Variants in FNDC4 observed in about 807,000 individuals in gnomAD.
FNDC4 encodes the protein fibronectin type III domain-containing protein 4.
FNDC4 carries 11 observed loss-of-function variants against 25.1 expected under a neutral mutation model. That is an observed-to-expected ratio of 0.44 (90% CI 0.28 to 0.73). FNDC4 has a LOEUF of 0.73. FNDC4 is among the 30% of genes least tolerant of loss of function. FNDC4 has a pLI of 0.16. For synonymous variants in FNDC4, 136 were observed against 118.8 expected (o/e 1.14, Z -0.94); for missense variants, 250 against 304.3 (o/e 0.82, Z 1.33).
At position 27,492,813 on chromosome 2, in the gene FNDC4, C is replaced by T. The variant is rs1411071560; in HGVS notation, c.545-23G>A. On this transcript the variant is annotated intron_variant, in intron 5 of 6. Coordinates refer to ENST00000264703, the MANE Select transcript of FNDC4 (RefSeq NM_022823.3). The surrounding 1 kb of genome is among the most constrained non-coding windows in gnomAD (Gnocchi z 4.1). ...CAGCTGAAACACAATACAGTCTGAGCCTTCATCTCCACTTCCCCCCTCATA... is the reference window on the plus strand; with the variant it reads ...CAGCTGAAACACAATACAGTCTGAGTCTTCATCTCCACTTCCCCCCTCATA... The T allele has an allele frequency of 1.2e-6, 2 of 1,613,632 alleles. No homozygotes were observed. The highest frequency in any genetic ancestry group is 2.2e-5 in the East Asian group (1 of 44,840).
rs1669326863 is a variant in FNDC4, at chr2:27,494,263, C to G, written c.249+88G>C. 1 of 1,400,710 alleles carries G rather than the reference C, an allele frequency of 7.1e-7. No individual in the cohort carries two copies. Among genetic ancestry groups the G allele is most frequent in the Non-Finnish European group, 1.0e-6 (1 of 999,110 alleles). The allele number at this position is 1,400,710 out of a possible 1,614,324, so 86.8% of individuals were successfully genotyped here. A position where few individuals can be genotyped will look rare whatever the true frequency, so the allele number is the denominator to read the frequency against. ...GAAAAGGGCAGCCTGAGCCAGGATA[C>G]GCCAGCTTCCAGATCCCCCCCACTT... On this transcript the variant is annotated intron_variant, in intron 3 of 6. Coordinates refer to ENST00000264703, the MANE Select transcript of FNDC4 (RefSeq NM_022823.3). This position sits in a 1 kb window ranked among gnomAD's most constrained non-coding sequence, Gnocchi z 4.6.
chr2:27,492,586 CCT>C lies in FNDC4; in HGVS notation c.669+78_669+79del. On this transcript the variant is annotated intron_variant, in intron 6 of 6. Transcript: ENST00000264703. This position sits in a 1 kb window ranked among gnomAD's most constrained non-coding sequence, Gnocchi z 4.1. The stretch of plus-strand genomic sequence containing the variant: ...CTTCCATTCTCCATCTTTTTCTGCC[CCT>C]CTTTGACCTTCTTCCTTTCCCTGGC... 6.2e-7 allele frequency: 1 copy of C among 1,604,708 alleles called. No homozygotes were observed. Among genetic ancestry groups the C allele is most frequent in the South Asian group, 1.1e-5 (1 of 90,864 alleles).
Position 27,492,499 on chromosome 2 carries a change from A to G in FNDC4, c.670-21T>C. 6.2e-7 allele frequency: 1 copy of G among 1,611,160 alleles called. No individual in the cohort carries two copies. Among genetic ancestry groups the G allele is most frequent in the Middle Eastern group, 1.7e-4 (1 of 6,056 alleles). ...TTTTTCTGTGAAAGAAAATGGCCTG[A>G]GTCTCAACTTCAGGAAGGTAATAGG... is the stretch of plus-strand genomic sequence containing the variant. On this transcript the variant is annotated intron_variant, in intron 6 of 6. Transcript: ENST00000264703. The surrounding 1 kb of genome is among the most constrained non-coding windows in gnomAD (Gnocchi z 4.1).
chr2:27,493,557 G>T, intron 4 of FNDC4, 79 bp from the exon 5 acceptor site: 2 of 1,135,150 alleles, frequency 1.8e-6, no homozygotes, highest in Non-Finnish European at 2.7e-6. Context: ...AGATGCTGGG[G>T]ATTAGAAAGG....
intron 4 of FNDC4, 27 bp downstream of exon 4, chr2:27,493,903 A>C: frequency 1.9e-6 from 3 of 1,606,310 alleles, no homozygotes; most frequent in Non-Finnish European, 2.6e-6. Context: ...GTAAGCAGCC[A>C]GAGAATCCAA....
Position 27,494,164 on chromosome 2 carries a change from G to A in FNDC4, c.250-30C>T. The A allele has an allele frequency of 6.3e-7, 1 of 1,592,398 alleles. No homozygotes were observed. Among genetic ancestry groups the A allele is most frequent in the Non-Finnish European group, 8.6e-7 (1 of 1,162,454 alleles). The stretch of plus-strand genomic sequence containing the variant: ...AGGGAGATGAGGGGAGAGGAGGACA[G>A]CCTCACCCCAGTGCCAGGCCACAAG... On this transcript the variant is annotated intron_variant, in intron 3 of 6. Coordinates refer to ENST00000264703, the MANE Select transcript of FNDC4 (RefSeq NM_022823.3). The surrounding 1 kb of genome is among the most constrained non-coding windows in gnomAD (Gnocchi z 4.6).
intron 4 of FNDC4, among the ~76,000 whole-genome samples, 198 bp from the exon 5 acceptor site, chr2:27,493,676 A>G (rs1264366449): frequency 6.6e-6 from 1 of 152,190 alleles, no homozygotes; most frequent in African/African-American, 2.4e-5. Flanking sequence ...CTGCAGGTTA[A>G]TTACTCACTC....
Position 27,492,300 on chromosome 2 carries a change from A to C in FNDC4, c.*143T>G, listed in dbSNP as rs1185537552. The C allele has an allele frequency of 9.8e-7, 1 of 1,017,344 alleles. No individual in the cohort carries two copies. Among genetic ancestry groups the C allele is most frequent in the East Asian group, 2.4e-5 (1 of 41,982 alleles). 63.0% of individuals were successfully genotyped at this position (1,017,344 alleles called of 1,614,324 possible). A position where few individuals can be genotyped will look rare whatever the true frequency, so the allele number is the denominator to read the frequency against. ...TACCTTCTGGCTCTGCTCACAGTGG[A>C]AAGAGGATGGGTACCAGGCCTGAGA... is the stretch of plus-strand genomic sequence containing the variant. On this transcript the variant is annotated 3_prime_UTR_variant, in exon 7 of 7. Transcript: ENST00000264703. The surrounding 1 kb of genome is among the most constrained non-coding windows in gnomAD (Gnocchi z 4.1).
In FNDC4 at chr2:27,492,363, G is replaced by C. The variant is rs943459557; in HGVS notation, c.*80C>G. 1 of 1,560,766 alleles carries C rather than the reference G, an allele frequency of 6.4e-7. No individual in the cohort carries two copies. Among genetic ancestry groups the C allele is most frequent in the African/African-American group, 1.4e-5 (1 of 73,696 alleles). ...CATTACCCTCTGGGAGTCTCGGGCA[G>C]ATCACCATCTTGGGCTCCCCCTGAC... On this transcript the variant is annotated 3_prime_UTR_variant, in exon 7 of 7. Transcript: ENST00000264703. This position sits in a 1 kb window ranked among gnomAD's most constrained non-coding sequence, Gnocchi z 4.1.
In FNDC4 at chr2:27,492,701, G is replaced by C; in HGVS notation, c.634C>G (p.Gln212Glu). Residue 212 changes from glutamine (Q) to glutamate (E), a missense_variant, in exon 6 of 7, where the codon CAG (glutamine) becomes GAG (glutamate). Gln to Glu is a conservative substitution (Grantham distance 29). Coordinates refer to ENST00000264703, the MANE Select transcript of FNDC4 (RefSeq NM_022823.3). The surrounding 1 kb of genome is among the most constrained non-coding windows in gnomAD (Gnocchi z 4.1). The stretch of plus-strand genomic sequence containing the variant: ...CCCACTGGCCTTCCCTGAGGACTCT[G>C]TTCCGGCCCCTTTCCCTTCTCCTTG... ...NPKEKGKGPE[Q>E]SPQGRPVGTR... 1 of 1,614,080 alleles carries C rather than the reference G, an allele frequency of 6.2e-7. No homozygotes were observed. Among genetic ancestry groups the C allele is most frequent in the Non-Finnish European group, 8.5e-7 (1 of 1,180,022 alleles).
In FNDC4 at chr2:27,494,188, A is replaced by G; in HGVS notation, c.250-54T>C. The G allele has an allele frequency of 6.4e-7, 1 of 1,550,962 alleles. No homozygotes were observed. The highest frequency in any genetic ancestry group is 8.8e-7 in the Non-Finnish European group (1 of 1,130,966). On this transcript the variant is annotated intron_variant, in intron 3 of 6. Transcript: ENST00000264703. The surrounding 1 kb of genome is among the most constrained non-coding windows in gnomAD (Gnocchi z 4.6). Reference sequence around the variant, plus strand: ...AGCCTCACCCCAGTGCCAGGCCACAAGGCTCAACCAGAGACTCTTCAACAT... The same window carrying G: ...AGCCTCACCCCAGTGCCAGGCCACAGGGCTCAACCAGAGACTCTTCAACAT...
rs758429725 is a variant in FNDC4 at position 27,493,368 on chromosome 2, CCT to C, written c.544+19_544+20del. 98 of 1,600,076 alleles carry C rather than the reference CCT, an allele frequency of 6.1e-5. No individual in the cohort carries two copies. Among genetic ancestry groups the C allele is most frequent in the Non-Finnish European group, 7.5e-5 (87 of 1,167,586 alleles). On this transcript the variant is annotated intron_variant, in intron 5 of 6. Coordinates refer to ENST00000264703, the MANE Select transcript of FNDC4 (RefSeq NM_022823.3). ...CACACCTTTACTGAGTCCCTGGTCCCCTGTCTAGCTGCTTACTCACCAGCCCA... is the reference window on the plus strand; with the variant it reads ...CACACCTTTACTGAGTCCCTGGTCCCGTCTAGCTGCTTACTCACCAGCCCA...
At position 27,492,800 on chromosome 2, in the gene FNDC4, A is replaced by C; in HGVS notation, c.545-10T>G. 1 of 1,614,010 alleles carries C rather than the reference A, an allele frequency of 6.2e-7. No individual in the cohort carries two copies. Among genetic ancestry groups the C allele is most frequent in the Non-Finnish European group, 8.5e-7 (1 of 1,180,030 alleles). ...AACAGCCCAATTACAGCTGAAACAC[A>C]ATACAGTCTGAGCCTTCATCTCCAC... On this transcript the variant is annotated splice_polypyrimidine_tract_variant and intron_variant, in intron 5 of 6. Transcript: ENST00000264703. The surrounding 1 kb of genome is among the most constrained non-coding windows in gnomAD (Gnocchi z 4.1).
rs1669269774 is a variant in FNDC4, at chr2:27,491,956, GGT to G, written c.*485_*486del. The G allele has an allele frequency of 6.1e-6, 1 of 162,920 alleles. No homozygotes were observed. Among genetic ancestry groups the G allele is most frequent in the African/African-American group, 2.4e-5 (1 of 41,744 alleles). 10.1% of individuals were successfully genotyped at this position (162,920 alleles called of 1,614,324 possible). ...TCACTAGCAGCTGAAGGGGCTGCCA[GGT>G]GAGAGGGGGAGCACCTGAGGCTCCA... On this transcript the variant is annotated 3_prime_UTR_variant, in exon 7 of 7. Coordinates refer to ENST00000264703, the MANE Select transcript of FNDC4 (RefSeq NM_022823.3).
Position 27,494,014 on chromosome 2 carries a change from G to C in FNDC4, c.370C>G (p.Arg124Gly). 1.2e-6 allele frequency: 2 copies of C among 1,614,178 alleles called. No individual in the cohort carries two copies. Among genetic ancestry groups the C allele is most frequent in the Middle Eastern group, 1.6e-4 (1 of 6,062 alleles). Residue 124 changes from arginine to glycine, a missense_variant, in exon 4 of 7, where the codon CGG becomes GGG. Physicochemically the swap from Arg to Gly is moderately radical, Grantham distance 125. Coordinates refer to ENST00000264703, the MANE Select transcript of FNDC4 (RefSeq NM_022823.3). This position sits in a 1 kb window ranked among gnomAD's most constrained non-coding sequence, Gnocchi z 4.6. ...YTVQVRSIGL[R>G]GESPPGPRVH... Reference sequence around the variant, plus strand: ...CGGGGCCCTGGGGGACTCTCTCCCCGAAGGCCGATGCTCCTGACCTGCACT... The same window carrying C: ...CGGGGCCCTGGGGGACTCTCTCCCCCAAGGCCGATGCTCCTGACCTGCACT...
rs1421249119 is a variant in FNDC4, at chr2:27,492,977, A to G, written c.545-187T>C. ...TCAAATCATCCCTCCTGAACTAAGT[A>G]TCTCCCCACTCCACTCTATTTCTCT... On this transcript the variant is annotated intron_variant, in intron 5 of 6. Transcript: ENST00000264703. The surrounding 1 kb of genome is among the most constrained non-coding windows in gnomAD (Gnocchi z 4.1). Among the ~76,000 whole-genome samples, 2 of 140,672 alleles carry G rather than the reference A, an allele frequency of 1.4e-5. No homozygotes were observed. Among genetic ancestry groups the G allele is most frequent in the Non-Finnish European group, 3.1e-5 (2 of 65,060 alleles). The allele number at this position is 140,672 out of a possible 152,430, so 92.3% of individuals were successfully genotyped here.
At chr2:27,493,270 C>T (rs1669303122) in intron 5 of FNDC4, 119 bp downstream of exon 5, 4 of 811,456 alleles carry the variant, frequency 4.9e-6, no homozygotes, top group South Asian at 4.3e-5. Flanking sequence ...CCTTGGCCTC[C>T]CAAAGTGCTG....
rs201333085 is a variant in FNDC4 at position 27,494,159 on chromosome 2, G to C, written c.250-25C>G. The C allele has an allele frequency of 4.4e-5, 70 of 1,601,224 alleles. No individual in the cohort carries two copies. The East Asian group carries it at 1.2e-3, about 27-fold the overall frequency. On this transcript the variant is annotated intron_variant, in intron 3 of 6. Coordinates refer to ENST00000264703, the MANE Select transcript of FNDC4 (RefSeq NM_022823.3). The surrounding 1 kb of genome is among the most constrained non-coding windows in gnomAD (Gnocchi z 4.6). ...GCTGCAGGGAGATGAGGGGAGAGGA[G>C]GACAGCCTCACCCCAGTGCCAGGCC... is the stretch of plus-strand genomic sequence containing the variant.
rs1669318351 is a variant in FNDC4 at position 27,493,959 on chromosome 2, T to C, written c.425A>G (p.Asp142Gly). ...RVHFRTLKGS[D>G]RLPSNSSSPG... is the part of the protein sequence containing the mutation. Reference sequence around the variant, plus strand: ...GCTTGAACTGTTTGAAGGTAGCCGGTCAGAACCCTTGAGAGTTCGGAAGTG... The same window carrying C: ...GCTTGAACTGTTTGAAGGTAGCCGGCCAGAACCCTTGAGAGTTCGGAAGTG... The change falls in exon 4 of 7, where the codon GAC (aspartate) becomes GGC (glycine). Residue 142 changes from aspartate (D) to glycine (G), a missense_variant. Asp to Gly is a moderately conservative substitution (Grantham distance 94). Transcript: ENST00000264703. 1.9e-6 allele frequency: 3 copies of C among 1,614,114 alleles called. No individual in the cohort carries two copies. The highest frequency in any genetic ancestry group is 8.5e-7 in the Non-Finnish European group (1 of 1,180,048).
Sources: gnomAD v4.1 joint callset for allele counts (sites outside exome capture counted in the v4.1 genomes callset) on GRCh38, gnomAD v4.1.1 for gene constraint, Gnocchi (gnomAD v3.1) non-coding constraint, MANE v1.5 for transcripts, NCBI Gene and HGNC (gene_info 2026-07-23, HGNC 2026-07-21) for gene names.